NRXN3: variants seen among roughly 807,000 people sequenced by gnomAD.
NRXN3 encodes neurexin 3, also known as neurexin III.
A neutral mutation model predicts 137.6 loss-of-function variants in NRXN3; 32 were observed. The ratio of observed to expected loss-of-function variants is 0.23; its 90% CI spans 0.18 to 0.31. NRXN3 has a LOEUF of 0.31. Among genes scored for constraint, NRXN3 ranks in the 10% least tolerant of loss-of-function variants. The pLI is 1.00. For synonymous variants in NRXN3, 798 were observed against 784.5 expected (o/e 1.02, Z -0.29); for missense variants, 1,574 against 2,062.5 (o/e 0.76, Z 4.59).
chr14:78,317,653 A>G (rs1297389678), intron 4 of NRXN3, among the ~76,000 whole-genome samples: 1 of 152,080 alleles, frequency 6.6e-6, no homozygotes, highest in Non-Finnish European at 1.5e-5. Context: ...AATTTGCTTC[A>G]CTCAGTTCAC....
chr14:78,953,062 G>A (rs904274460), intron 10 of NRXN3, among the ~76,000 whole-genome samples: 3 of 152,034 alleles, frequency 2.0e-5, no homozygotes, highest in African/African-American at 7.3e-5. Context: ...TTGCTCCTGG[G>A]GGGAATAAGA....
intron 15 of NRXN3, among the ~76,000 whole-genome samples, chr14:79,013,896 C>A (rs909196889): frequency 1.3e-5 from 2 of 152,132 alleles, no homozygotes; most frequent in Admixed American, 6.6e-5. Context: ...TATTGGGCAA[C>A]AGAGATAAAA....
chr14:79,620,634 G>A (rs170253), intron 16 of NRXN3, among the ~76,000 whole-genome samples: 50,966 of 152,002 alleles, frequency 0.34, 11,471 homozygotes, highest in African/African-American at 0.65. Context: ...TGATGATTTT[G>A]TATCTCAAAG....
intron 2 of NRXN3, among the ~76,000 whole-genome samples, chr14:78,254,953 C>T (rs1474228753): frequency 1.3e-5 from 2 of 152,110 alleles, no homozygotes; most frequent in East Asian, 1.9e-4. Flanking sequence ...ATGCTTCTTA[C>T]TCTGCCAGGT....
At chr14:79,752,427 A>G (rs2099001369) in intron 19 of NRXN3, among the ~76,000 whole-genome samples, 1 of 152,164 alleles carries the variant, frequency 6.6e-6, no homozygotes, top group Admixed American at 6.6e-5. Flanking sequence ...ATCTACAACT[A>G]TCTGATCTTT....
chr14:79,503,447 C>T (rs370917767), intron 16 of NRXN3, among the ~76,000 whole-genome samples: 2 of 152,300 alleles, frequency 1.3e-5, no homozygotes, highest in East Asian at 3.9e-4. Context: ...ACCAAGTGAG[C>T]CAACTAGACT....
chr14:79,199,131 C>T (rs998463674), intron 15 of NRXN3, among the ~76,000 whole-genome samples: 2 of 151,724 alleles, frequency 1.3e-5, no homozygotes, highest in Non-Finnish European at 2.9e-5. Context: ...GGCGCCACTG[C>T]GCTCCAGCCT....
At chr14:78,742,654 G>A (rs2098583733) in intron 8 of NRXN3, among the ~76,000 whole-genome samples, 1 of 152,132 alleles carries the variant, frequency 6.6e-6, no homozygotes. Context: ...CTTGTAGGTT[G>A]ATCACAAATT....
intron 16 of NRXN3, among the ~76,000 whole-genome samples, chr14:79,590,961 T>C (rs1175935308): frequency 3.3e-5 from 5 of 152,176 alleles, no homozygotes; most frequent in Non-Finnish European, 5.9e-5. Flanking sequence ...GAACCTTAGC[T>C]CCAACAAAAC....
At chr14:79,642,731 G>A (rs537106642) in intron 16 of NRXN3, among the ~76,000 whole-genome samples, 6 of 135,302 alleles carry the variant, frequency 4.4e-5, no homozygotes, top group African/African-American at 1.5e-4. Flanking sequence ...ATGCTTTGCT[G>A]TGATTTTTAT....
intron 10 of NRXN3, among the ~76,000 whole-genome samples, chr14:78,939,610 A>G (rs938564690): frequency 3.3e-5 from 5 of 152,238 alleles, no homozygotes; most frequent in Non-Finnish European, 7.3e-5. Flanking sequence ...CTTGCCAATT[A>G]GCCTGGTGAC....
At chr14:78,349,215 G>A (rs2083153058) in intron 4 of NRXN3, among the ~76,000 whole-genome samples, 1 of 152,186 alleles carries the variant, frequency 6.6e-6, no homozygotes, top group South Asian at 2.1e-4. Flanking sequence ...GCCTGCTAAC[G>A]AATATTGGTT....
chr14:78,429,293 G>A (rs1598559059), intron 4 of NRXN3, among the ~76,000 whole-genome samples: 1 of 152,112 alleles, frequency 6.6e-6, no homozygotes, highest in East Asian at 1.9e-4. Flanking sequence ...TGGTCAGGCT[G>A]GTCTTGAACT....
intron 4 of NRXN3, among the ~76,000 whole-genome samples, chr14:78,498,965 G>A (rs956393730): frequency 2.6e-5 from 4 of 151,928 alleles, no homozygotes; most frequent in Non-Finnish European, 5.9e-5. Flanking sequence ...GTTACCTTGG[G>A]CAATGTTGTT....
chr14:79,197,183 A>G (rs1252775265), intron 15 of NRXN3, among the ~76,000 whole-genome samples: 2 of 152,204 alleles, frequency 1.3e-5, no homozygotes, highest in African/African-American at 4.8e-5. Context: ...ATATCCACTT[A>G]AGAAAAATGC....
At chr14:79,348,371 CT>C (rs796495479) in intron 15 of NRXN3, among the ~76,000 whole-genome samples, 3,406 of 137,796 alleles carry the variant, frequency 0.025, 142 homozygotes, top group African/African-American at 0.087. Flanking sequence ...TATAGTTAAT[CT>C]TCTCTCTTTT....
At chr14:78,936,824 T>C (rs563929572) in intron 10 of NRXN3, among the ~76,000 whole-genome samples, 19 of 152,230 alleles carry the variant, frequency 1.2e-4, no homozygotes, top group African/African-American at 4.3e-4. Context: ...GGGTTATCAT[T>C]CCATTGCTAG....
chr14:78,811,568 C>G (rs182825663), intron 10 of NRXN3, among the ~76,000 whole-genome samples: 3 of 152,338 alleles, frequency 2.0e-5, no homozygotes, highest in African/African-American at 4.8e-5. Context: ...ACATGTAATT[C>G]TCCATAGTAT....
chr14:79,255,465 T>C (rs963988858), intron 15 of NRXN3, among the ~76,000 whole-genome samples: 1 of 152,252 alleles, frequency 6.6e-6, no homozygotes, highest in Non-Finnish European at 1.5e-5. Context: ...TCCTACCATT[T>C]AATCCCTGTG....
Sources: gnomAD v4.1 joint callset for allele counts (sites outside exome capture counted in the v4.1 genomes callset) on GRCh38, gnomAD v4.1.1 for gene constraint, MANE v1.5 for transcripts, NCBI Gene and HGNC (gene_info 2026-07-23, HGNC 2026-07-21) for gene names.